The following TYW1 variants were observed in gnomAD, a reference collection of about 807,000 sequenced individuals.
TYW1 encodes S-adenosyl-L-methionine-dependent tRNA 4-demethylwyosine synthase TYW1.
TYW1 carries 46 observed loss-of-function variants against 96.2 expected under a neutral mutation model. The observed-to-expected ratio is 0.48, with a 90% CI of 0.38 to 0.61. The LOEUF (loss-of-function observed/expected upper bound fraction) is 0.61. TYW1 is among the 20% of genes least tolerant of loss of function. The pLI, the probability that TYW1 is intolerant of heterozygous loss-of-function variation, is 0.00. For missense variants in TYW1, 684 were observed against 909.6 expected, an observed-to-expected ratio of 0.75 and a Z score of 3.19; for synonymous variants, 274 against 323.0, an observed-to-expected ratio of 0.85 and a Z score of 1.63.
chr7:67,197,958 T>TGCCCCCC (rs1800457008), intron 15 of TYW1, among the ~76,000 whole-genome samples: 1 of 65,310 alleles, frequency 1.5e-5, no homozygotes, highest in East Asian at 4.3e-4. Context: ...TCCCTACCCC[T>TGCCCCCC]GCCCCCCGCC....
chr7:67,103,535 A>G (rs1797154635), intron 12 of TYW1, among the ~76,000 whole-genome samples: 1 of 152,222 alleles, frequency 6.6e-6, no homozygotes, highest in African/African-American at 2.4e-5. Flanking sequence ...TAATACTTTC[A>G]GGACTTGAGG....
intron 13 of TYW1, among the ~76,000 whole-genome samples, chr7:67,128,096 G>A (rs1797958151): frequency 6.6e-6 from 1 of 152,120 alleles, no homozygotes; most frequent in South Asian, 2.1e-4. Flanking sequence ...TTAACATGGG[G>A]AAATCCTGAG....
At chr7:67,066,537 C>T (rs901910142) in intron 9 of TYW1, among the ~76,000 whole-genome samples, 11 of 152,150 alleles carry the variant, frequency 7.2e-5, no homozygotes, top group African/African-American at 2.7e-4. Context: ...CTTGCTTCCA[C>T]AATGTCTCAA....
chr7:67,031,188 ATCTC>A, intron 7 of TYW1, among the ~76,000 whole-genome samples: 5 of 115,112 alleles, frequency 4.3e-5, no homozygotes, highest in Admixed American at 9.3e-5. Context: ...GCGAGACTCC[ATCTC>A]AAAAAAAAAA....
chr7:67,152,747 G>A (rs1313246594), intron 13 of TYW1, among the ~76,000 whole-genome samples: 6 of 152,084 alleles, frequency 3.9e-5, no homozygotes, highest in Non-Finnish European at 7.4e-5. Context: ...GACTACAGGT[G>A]TGGGCCACCA....
At chr7:67,148,666 C>T (rs1015088685) in intron 13 of TYW1, among the ~76,000 whole-genome samples, 26 of 152,058 alleles carry the variant, frequency 1.7e-4, no homozygotes, top group Middle Eastern at 3.4e-3. Context: ...CTCCTGACCT[C>T]GTTATCCGCC....
At chr7:67,230,385 T>C (rs1472516368) in intron 15 of TYW1, among the ~76,000 whole-genome samples, 1 of 141,578 alleles carries the variant, frequency 7.1e-6, no homozygotes, top group Admixed American at 7.3e-5. Flanking sequence ...CAGTCACCAC[T>C]ATTTTAAACC....
chr7:67,213,744 T>A (rs1218874921), intron 15 of TYW1, among the ~76,000 whole-genome samples: 2 of 152,174 alleles, frequency 1.3e-5, no homozygotes, highest in African/African-American at 4.8e-5. Context: ...GACATCCAAT[T>A]GTTAAAGTAC....
At chr7:67,083,643 AT>A (rs1156716873) in intron 11 of TYW1, 104 bp downstream of exon 11, 3 of 1,275,866 alleles carry the variant, frequency 2.4e-6, no homozygotes, top group Non-Finnish European at 3.2e-6. Context: ...CCACTGGCAA[AT>A]TTTCCTCTAA....
At chr7:67,148,251 AT>A (rs1443067434) in intron 13 of TYW1, among the ~76,000 whole-genome samples, 6 of 151,798 alleles carry the variant, frequency 4.0e-5, no homozygotes, top group Non-Finnish European at 8.8e-5. Context: ...TTTATTTCTA[AT>A]TTCTAGAATA....
intron 9 of TYW1, among the ~76,000 whole-genome samples, chr7:67,065,312 C>T (rs373354134): frequency 5.3e-5 from 8 of 152,170 alleles, no homozygotes; most frequent in Non-Finnish European, 8.8e-5. Flanking sequence ...ATCCACATGC[C>T]GTTGCATTGC....
chr7:67,078,667 C>T (rs932147366), intron 10 of TYW1, among the ~76,000 whole-genome samples: 1 of 152,022 alleles, frequency 6.6e-6, no homozygotes, highest in African/African-American at 2.4e-5. Context: ...CAATTTCTTT[C>T]CTCAGTGATA....
At chr7:67,199,699 TA>T (rs1198165993) in intron 15 of TYW1, among the ~76,000 whole-genome samples, 1 of 152,202 alleles carries the variant, frequency 6.6e-6, no homozygotes, top group Non-Finnish European at 1.5e-5. Context: ...CATTATTCAT[TA>T]CTGTACTGAT....
intron 9 of TYW1, among the ~76,000 whole-genome samples, chr7:67,057,812 A>G (rs1429652339): frequency 6.6e-6 from 1 of 152,170 alleles, no homozygotes; most frequent in African/African-American, 2.4e-5. Context: ...CTTTTGTTGA[A>G]TGTGCATTGT....
chr7:67,090,745 C>T (rs1386831364), intron 11 of TYW1, among the ~76,000 whole-genome samples: 2 of 152,160 alleles, frequency 1.3e-5, no homozygotes, highest in African/African-American at 2.4e-5. Context: ...ACAGCACTAT[C>T]GATTTGCTGT....
intron 8 of TYW1, among the ~76,000 whole-genome samples, chr7:67,051,868 A>G (rs1052021898): frequency 1.1e-4 from 17 of 150,736 alleles, no homozygotes; most frequent in Non-Finnish European, 2.4e-4. Context: ...CTTTGCCTTC[A>G]TTTTCTATCA....
intron 13 of TYW1, among the ~76,000 whole-genome samples, chr7:67,126,807 G>A (rs10240501): frequency 0.28 from 41,966 of 151,854 alleles, 6,635 homozygotes; most frequent in African/African-American, 0.44. Flanking sequence ...TTCCTGGGCT[G>A]TGTTCTGTTC....
intron 13 of TYW1, among the ~76,000 whole-genome samples, chr7:67,167,294 C>T (rs1462841938): frequency 1.3e-5 from 2 of 151,836 alleles, no homozygotes; most frequent in East Asian, 1.9e-4. Flanking sequence ...ACGGTGAAAC[C>T]GCGTCTCTAC....
At chr7:67,041,714 C>T (rs541828064) in intron 7 of TYW1, among the ~76,000 whole-genome samples, 2 of 152,232 alleles carry the variant, frequency 1.3e-5, no homozygotes, top group East Asian at 1.9e-4. Context: ...GGAAGTAGTA[C>T]GTGCCAGTGC....
Sources: allele counts gnomAD v4.1 joint callset (sites outside exome capture counted in the v4.1 genomes callset), GRCh38; gene constraint gnomAD v4.1.1; transcripts MANE v1.5; gene names NCBI Gene and HGNC (gene_info 2026-07-23, HGNC 2026-07-21).